SLCO2A1: variants seen among roughly 807,000 people sequenced by gnomAD.
SLCO2A1 encodes the protein matrin F/G 1.
Under a neutral mutation model 71.7 loss-of-function variants are expected in SLCO2A1, and 60 were observed. The ratio of observed to expected loss-of-function variants is 0.84; its 90% CI spans 0.68 to 1.04. SLCO2A1 has a LOEUF of 1.04. Ranked by LOEUF, SLCO2A1 falls within the 50% of genes least tolerant of loss-of-function variation. SLCO2A1 has a pLI of 0.00. For missense variants in SLCO2A1, 745 were observed against 813.4 expected (o/e 0.92, Z 1.02); for synonymous variants, 308 against 326.7 (o/e 0.94, Z 0.62).
chr3:133,978,580 G>A (rs1180982966), intron 2 of SLCO2A1, among the ~76,000 whole-genome samples: 1 of 152,080 alleles, frequency 6.6e-6, no homozygotes, highest in East Asian at 1.9e-4. Context: ...ACAGGACAGG[G>A]GCCCGGGCTC....
chr3:133,954,387 C>T (rs1055860869), intron 4 of SLCO2A1, among the ~76,000 whole-genome samples: 1 of 152,096 alleles, frequency 6.6e-6, no homozygotes, highest in Non-Finnish European at 1.5e-5. Flanking sequence ...GTCTCGAACT[C>T]CCGGCCTCAG....
chr3:133,946,229 T>C (rs1933574299), intron 9 of SLCO2A1, among the ~76,000 whole-genome samples: 1 of 149,326 alleles, frequency 6.7e-6, no homozygotes, highest in African/African-American at 2.5e-5. Flanking sequence ...GAGGAGGTCA[T>C]TTCAAAGAAA....
chr3:134,003,373 T>A (rs1935141662), intron 1 of SLCO2A1, among the ~76,000 whole-genome samples: 1 of 149,780 alleles, frequency 6.7e-6, no homozygotes, highest in South Asian at 2.1e-4. Context: ...GTAAGCCACA[T>A]AAGGAACGGA....
chr3:134,029,508 GCTCACACACACA>G (rs1935776561), intron 1 of SLCO2A1, among the ~76,000 whole-genome samples, 187 bp downstream of exon 1: 3 of 148,262 alleles, frequency 2.0e-5, no homozygotes, highest in Non-Finnish European at 4.4e-5. Context: ...ACACACACAC[GCTCACACACACA>G]CACGCTCACA....
Position 133,947,343 on chromosome 3 carries a change from G to A in SLCO2A1, c.1208C>T (p.Thr403Ile). 1 of 1,614,114 alleles carries A rather than the reference G, an allele frequency of 6.2e-7. No homozygotes were observed. Among genetic ancestry groups the A allele is most frequent in the Non-Finnish European group, 8.5e-7 (1 of 1,180,012 alleles). The change falls in exon 9 of 14, where the codon ACC (threonine) becomes ATC (isoleucine). Residue 403 changes from threonine (T) to isoleucine (I), a missense_variant. By Grantham distance (89) the Thr-to-Ile change is moderately conservative. Coordinates refer to ENST00000310926, the MANE Select transcript of SLCO2A1 (RefSeq NM_005630.3). ...AAGGATCATGGAGATGGTGATGATG[G>A]TGGTAGCTATGCGGGGAATGGCTTG... is the stretch of plus-strand genomic sequence containing the variant. ...SLQAIPRIAT[T>I]IITISMILCV...
At position 133,955,387 on chromosome 3, in the gene SLCO2A1, G is replaced by A. The variant is rs570687608; in HGVS notation, c.398-194C>T. The A allele has an allele frequency of 1.4e-5, 8 of 584,280 alleles. 1 individual carries two copies. The South Asian group carries it at 1.7e-4, about 12-fold the overall frequency. 36.2% of individuals were successfully genotyped at this position (584,280 alleles called of 1,614,324 possible). A position where few individuals can be genotyped will look rare whatever the true frequency, so the allele number is the denominator to read the frequency against. ...CAGCAGGAGGGACTCTAGAAACAAA[G>A]GTGTGAAAGAGAGGTGGAATGTGGG... On this transcript the variant is annotated intron_variant, in intron 3 of 13. Transcript: ENST00000310926.
chr3:133,942,032 C>T (rs942331782), intron 11 of SLCO2A1, among the ~76,000 whole-genome samples: 2 of 152,166 alleles, frequency 1.3e-5, no homozygotes, highest in Non-Finnish European at 2.9e-5. Context: ...CTCACTCTGT[C>T]ACCCAGGCTG....
intron 1 of SLCO2A1, among the ~76,000 whole-genome samples, chr3:133,996,439 G>A (rs559730942): frequency 6.6e-5 from 10 of 152,340 alleles, no homozygotes; most frequent in East Asian, 5.8e-4. Flanking sequence ...GACGCCTGTC[G>A]GCTCTCCCCA....
chr3:133,982,917 T>C (rs1179624824), intron 1 of SLCO2A1, among the ~76,000 whole-genome samples: 2 of 152,136 alleles, frequency 1.3e-5, no homozygotes, highest in African/African-American at 4.8e-5. Flanking sequence ...GCCAAACAGC[T>C]GTGTTGGTTT....
chr3:133,938,424 C>G lies in SLCO2A1; in HGVS notation c.1690+5G>C. ...TTCTTGGGAAGAGGGGTCTTAGACA[C>G]TTACCCAGCAAGCGCATCAACAAGA... is the stretch of plus-strand genomic sequence containing the variant. On this transcript the variant is annotated splice_donor_5th_base_variant and intron_variant, in intron 12 of 13. Transcript: ENST00000310926. 6.2e-7 allele frequency: 1 copy of G among 1,613,962 alleles called. No homozygotes were observed. Among genetic ancestry groups the G allele is most frequent in the Non-Finnish European group, 8.5e-7 (1 of 1,179,838 alleles).
chr3:134,021,640 GGAGA>G (rs374074622), intron 1 of SLCO2A1, among the ~76,000 whole-genome samples: 6 of 150,962 alleles, frequency 4.0e-5, no homozygotes, highest in South Asian at 2.1e-4. Context: ...AGGGAGTCAA[GGAGA>G]GAGAGAGAGA....
intron 1 of SLCO2A1, among the ~76,000 whole-genome samples, chr3:133,989,470 C>A (rs574927575): frequency 1.4e-3 from 209 of 152,312 alleles, no homozygotes; most frequent in African/African-American, 4.5e-3. Context: ...ACACTGACAA[C>A]CCCCCTGGAT....
chr3:134,018,886 A>C (rs1475165268), intron 1 of SLCO2A1, among the ~76,000 whole-genome samples: 1 of 151,946 alleles, frequency 6.6e-6, no homozygotes, highest in Non-Finnish European at 1.5e-5. Context: ...GGCAACAGAG[A>C]CTCTAGATTA....
At position 133,934,688 on chromosome 3, in the gene SLCO2A1, A is replaced by G; in HGVS notation, c.*25T>C. 1.3e-6 allele frequency: 2 copies of G among 1,510,562 alleles called. No individual in the cohort carries two copies. The highest frequency in any genetic ancestry group is 1.8e-6 in the Non-Finnish European group (2 of 1,086,288). 93.6% of individuals were successfully genotyped at this position (1,510,562 alleles called of 1,614,324 possible). On this transcript the variant is annotated 3_prime_UTR_variant, in exon 14 of 14. Coordinates refer to ENST00000310926, the MANE Select transcript of SLCO2A1 (RefSeq NM_005630.3). ...GGAAGAGTCAAGGTCCACTCTCTGGAGCAGGGCAGTGGCCCAGGGTGGGGT... is the reference window on the plus strand; with the variant it reads ...GGAAGAGTCAAGGTCCACTCTCTGGGGCAGGGCAGTGGCCCAGGGTGGGGT...
At chr3:133,968,137 C>T (rs1472748271) in intron 3 of SLCO2A1, among the ~76,000 whole-genome samples, 1 of 147,336 alleles carries the variant, frequency 6.8e-6, no homozygotes, top group Non-Finnish European at 1.5e-5. Context: ...ATACTTTACT[C>T]TCCTCTGCCT....
At chr3:133,989,260 C>A (rs34090521) in intron 1 of SLCO2A1, among the ~76,000 whole-genome samples, 32,806 of 152,212 alleles carry the variant, frequency 0.22, 3,662 homozygotes, top group Non-Finnish European at 0.25. Context: ...TCCCACCCTG[C>A]GGAGTTCTTT....
chr3:133,948,814 C>T (rs867725689), intron 7 of SLCO2A1, 79 bp downstream of exon 7: 5 of 1,591,258 alleles, frequency 3.1e-6, no homozygotes, highest in Non-Finnish European at 4.3e-6. Flanking sequence ...CACACAACAC[C>T]ACAGGGGCTG....
At position 134,023,499 on chromosome 3, in the gene SLCO2A1, A is replaced by G. The variant is rs567123245; in HGVS notation, c.96+6208T>C. Reference sequence around the variant, plus strand: ...AAGTAGGACCATTTAATCTGGGGAGATTTCAATAAAGACCCCAGTGCCAAC... The same window carrying G: ...AAGTAGGACCATTTAATCTGGGGAGGTTTCAATAAAGACCCCAGTGCCAAC... On this transcript the variant is annotated intron_variant, in intron 1 of 13. Transcript: ENST00000310926. Among the ~76,000 whole-genome samples, 7 of 152,208 alleles carry G rather than the reference A, an allele frequency of 4.6e-5. No homozygotes were observed. The East Asian group carries it at 1.2e-3, about 25-fold the overall frequency.
intron 5 of SLCO2A1, 130 bp downstream of exon 5, chr3:133,953,533 G>T: frequency 1.4e-6 from 1 of 691,690 alleles, no homozygotes. Context: ...GCAGGGATGA[G>T]TGAGCGAGTG....
Sources: allele counts gnomAD v4.1 joint callset (sites outside exome capture counted in the v4.1 genomes callset), GRCh38; gene constraint gnomAD v4.1.1; transcripts MANE v1.5; gene names NCBI Gene and HGNC (gene_info 2026-07-23, HGNC 2026-07-21).